The following RMP24 variants were observed in gnomAD, a reference collection of about 807,000 sequenced individuals.
RMP24 encodes the protein ribonuclease MRP protein subunit p24.
At chr18:35,978,342 C>T in the RMP24 span, among the ~76,000 whole-genome samples, 2 of 152,304 alleles carry the variant, frequency 1.3e-5, no homozygotes, top group African/African-American at 2.4e-5. Context: ...CATTCACGGC[C>T]GGGCATGGTG....
chr18:35,972,895 A>G, the RMP24 span: 1 of 1,614,124 alleles, frequency 6.2e-7, no homozygotes, highest in African/African-American at 1.3e-5. Context: ...CTGGGCCTAC[A>G]CTTCGTCGCA....
the RMP24 span, chr18:35,972,850 C>T: frequency 1.6e-5 from 26 of 1,614,086 alleles, no homozygotes; most frequent in Non-Finnish European, 2.2e-5. Context: ...GGTAGGTGTT[C>T]CTTTGCTCCT....
At chr18:35,976,560 A>C in the RMP24 span, among the ~76,000 whole-genome samples, 2 of 152,218 alleles carry the variant, frequency 1.3e-5, no homozygotes, top group East Asian at 3.8e-4. Context: ...CTTGAAAAGA[A>C]AGACAACCTC....
At chr18:35,976,138 ATTTTTTTTTTTTT>A in the RMP24 span, among the ~76,000 whole-genome samples, 29 of 72,766 alleles carry the variant, frequency 4.0e-4, no homozygotes, top group South Asian at 5.1e-4. Flanking sequence ...TGTTTTTCTG[ATTTTTTTTTTTTT>A]TTTTTTTTTT....
chr18:35,977,398 T>C, the RMP24 span: 3 of 1,598,914 alleles, frequency 1.9e-6, no homozygotes, highest in Non-Finnish European at 2.6e-6. Context: ...ATATTTCTTA[T>C]TTTTATGGTA....
the RMP24 span, chr18:35,977,267 G>A: frequency 1.5e-6 from 1 of 662,298 alleles, no homozygotes; most frequent in Non-Finnish European, 2.4e-6. Flanking sequence ...TAGATTGCAA[G>A]TTCCCCAAGG....
the RMP24 span, among the ~76,000 whole-genome samples, chr18:35,974,463 C>T: frequency 1.3e-5 from 2 of 152,168 alleles, no homozygotes; most frequent in Non-Finnish European, 2.9e-5. Context: ...ATCCCTGGCA[C>T]TTAGCACAGT....
At chr18:35,977,532 GAGA>G in the RMP24 span, 6 of 1,614,176 alleles carry the variant, frequency 3.7e-6, no homozygotes, top group South Asian at 1.1e-5. Context: ...AGACACCAGA[GAGA>G]AGGACTGCAA....
At chr18:35,975,285 A>G in the RMP24 span, among the ~76,000 whole-genome samples, 2 of 152,230 alleles carry the variant, frequency 1.3e-5, no homozygotes, top group African/African-American at 4.8e-5. Flanking sequence ...TTTATTTTTC[A>G]TGATTACCTA....
chr18:35,976,138 A>ATTTTTT, the RMP24 span, among the ~76,000 whole-genome samples: 25 of 72,758 alleles, frequency 3.4e-4, no homozygotes, highest in African/African-American at 5.8e-4. Context: ...TGTTTTTCTG[A>ATTTTTT]TTTTTTTTTT....
At chr18:35,976,434 C>T in the RMP24 span, among the ~76,000 whole-genome samples, 3 of 152,156 alleles carry the variant, frequency 2.0e-5, no homozygotes, top group Non-Finnish European at 2.9e-5. Flanking sequence ...CTACTTCTCA[C>T]TTAAACTAGT....
the RMP24 span, chr18:35,973,155 G>A: frequency 1.7e-6 from 1 of 597,016 alleles, no homozygotes; most frequent in Non-Finnish European, 3.0e-6. Context: ...AGGTCATTAC[G>A]TAGTTCACCT....
chr18:35,974,732 T>C, the RMP24 span, among the ~76,000 whole-genome samples: 17 of 152,332 alleles, frequency 1.1e-4, 1 homozygote, highest in South Asian at 8.3e-4. Context: ...TTTTGCAAGG[T>C]AAATTACTGC....
chr18:35,974,899 A>T, the RMP24 span: 7 of 1,611,464 alleles, frequency 4.3e-6, no homozygotes, highest in Non-Finnish European at 5.9e-6. Context: ...ATTTTAGATG[A>T]TAAGAGCACT....
the RMP24 span, chr18:35,979,277 G>A: frequency 4.9e-6 from 1 of 205,466 alleles, no homozygotes; most frequent in Non-Finnish European, 9.7e-6. Context: ...TATATACATT[G>A]AGTAGTGGCA....
At chr18:35,977,412 G>C in the RMP24 span, 1 of 1,603,418 alleles carries the variant, frequency 6.2e-7, no homozygotes, top group South Asian at 1.1e-5. Context: ...TATGGTAGTT[G>C]ATCACTTGTA....
At chr18:35,978,990 G>T in the RMP24 span, 1 of 1,585,408 alleles carries the variant, frequency 6.3e-7, no homozygotes, top group Non-Finnish European at 8.5e-7. Context: ...TCTCTGAAGG[G>T]TGGACTTTTA....
the RMP24 span, among the ~76,000 whole-genome samples, chr18:35,975,752 CA>C: frequency 1.3e-5 from 2 of 152,192 alleles, no homozygotes; most frequent in Non-Finnish European, 2.9e-5. Context: ...TATTGTCTAT[CA>C]CTGTGCCGGG....
chr18:35,976,999 G>A, the RMP24 span, among the ~76,000 whole-genome samples: 5 of 152,140 alleles, frequency 3.3e-5, no homozygotes, highest in Admixed American at 6.5e-5. Flanking sequence ...AGGCCGAGGC[G>A]GGTGGATCGC....
Sources: allele counts gnomAD v4.1 joint callset (sites outside exome capture counted in the v4.1 genomes callset), GRCh38; gene constraint gnomAD v4.1.1; transcripts MANE v1.5; gene names NCBI Gene and HGNC (gene_info 2026-07-23, HGNC 2026-07-21).